The following ANKHD1 variants were observed in gnomAD, a reference collection of about 807,000 sequenced individuals.
ANKHD1 encodes the protein ankyrin repeat and KH domain containing 1, also known as ankyrin repeat and KH domain-containing protein 1.
A neutral mutation model predicts 230.5 loss-of-function variants in ANKHD1; 31 were observed. That is an observed-to-expected ratio of 0.13 (90% CI 0.10 to 0.18). The LOEUF (loss-of-function observed/expected upper bound fraction) is 0.18, where lower values mean the gene tolerates loss of function less well. Among genes scored for constraint, ANKHD1 ranks in the 10% least tolerant of loss-of-function variants. The pLI is 1.00. For missense variants in ANKHD1, 2,256 were observed against 3,071.3 expected (o/e 0.73, Z 6.27); for synonymous variants, 1,074 against 1,117.6 (o/e 0.96, Z 0.78).
Position 140,485,262 on chromosome 5 carries a change from AAAT to A in ANKHD1, c.1998+17_1998+19del. The A allele has an allele frequency of 6.2e-7, 1 of 1,605,292 alleles. No individual in the cohort carries two copies. Among genetic ancestry groups the A allele is most frequent in the Non-Finnish European group, 8.5e-7 (1 of 1,173,438 alleles). ...CATCGACTCAAGGTAGTCTACTTAA[AAAT>A]AAGTAAACAGGCTGTGTGCGGTGGC... is the stretch of plus-strand genomic sequence containing the variant. On this transcript the variant is annotated intron_variant, in intron 12 of 33. Coordinates refer to ENST00000360839, the MANE Select transcript of ANKHD1 (RefSeq NM_017747.3). This position sits in a 1 kb window ranked among gnomAD's most constrained non-coding sequence, Gnocchi z 4.8.
At chr5:140,433,546 C>T (rs1166100425) in intron 1 of ANKHD1, among the ~76,000 whole-genome samples, 1 of 152,174 alleles carries the variant, frequency 6.6e-6, no homozygotes, top group African/African-American at 2.4e-5. Flanking sequence ...ATTTCTCCCT[C>T]ATTAGTGCAT....
At chr5:140,409,083 A>G (rs895632692) in intron 1 of ANKHD1, among the ~76,000 whole-genome samples, 1 of 152,190 alleles carries the variant, frequency 6.6e-6, no homozygotes, top group Non-Finnish European at 1.5e-5. Context: ...CCTAGGGACA[A>G]AATCACTCCT....
At chr5:140,488,865 A>C (rs1751630139) in intron 14 of ANKHD1, among the ~76,000 whole-genome samples, 1 of 151,946 alleles carries the variant, frequency 6.6e-6, no homozygotes, top group Non-Finnish European at 1.5e-5. Context: ...TTGCCACTGC[A>C]CTCCAGCCAG....
intron 15 of ANKHD1, among the ~76,000 whole-genome samples, chr5:140,504,508 T>C (rs1341842346): frequency 5.9e-5 from 9 of 152,218 alleles, no homozygotes; most frequent in African/African-American, 1.9e-4. Context: ...GCACTAAATA[T>C]CAGGTGCTGT....
In ANKHD1 at chr5:140,485,878, T is replaced by G. The variant is rs1037526660; in HGVS notation, c.2142+146T>G. On this transcript the variant is annotated intron_variant, in intron 13 of 33. Transcript: ENST00000360839. This position sits in a 1 kb window ranked among gnomAD's most constrained non-coding sequence, Gnocchi z 4.8. ...AATCATGACTCTAAATTCTTTAGGA[T>G]TTATTTTCTTTAAAGGTACACTGAA... 3.1e-5 allele frequency: 39 copies of G among 1,245,732 alleles called. No individual in the cohort carries two copies. In the African/African-American group the frequency reaches 5.5e-4, roughly 18 times the overall value. The allele number at this position is 1,245,732 out of a possible 1,614,324, so 77.2% of individuals were successfully genotyped here. A position where few individuals can be genotyped will look rare whatever the true frequency, so the allele number is the denominator to read the frequency against.
At chr5:140,429,844 G>A (rs1009898477) in intron 1 of ANKHD1, among the ~76,000 whole-genome samples, 1 of 152,156 alleles carries the variant, frequency 6.6e-6, no homozygotes, top group African/African-American at 2.4e-5. Context: ...CATAGAAACT[G>A]TTTTAATGTG....
intron 29 of ANKHD1, among the ~76,000 whole-genome samples, chr5:140,532,397 T>TG (rs1753871462): frequency 6.6e-6 from 1 of 151,366 alleles, no homozygotes; most frequent in Non-Finnish European, 1.5e-5. Context: ...GATGAAGGGG[T>TG]GATTGGAGGG....
chr5:140,479,042 A>C (rs1473460434), intron 10 of ANKHD1, among the ~76,000 whole-genome samples: 1 of 151,436 alleles, frequency 6.6e-6, no homozygotes, highest in Non-Finnish European at 1.5e-5. Context: ...TCTGTCACCC[A>C]GGCTGGAGTG....
In ANKHD1 at chr5:140,507,004, T is replaced by C; in HGVS notation, c.3551+27T>C. ...TATTGCCTGTTCATTTTATTGTTCA[T>C]GTTTAGTAAGTTACTACTTTGGACT... On this transcript the variant is annotated intron_variant, in intron 19 of 33. Coordinates refer to ENST00000360839, the MANE Select transcript of ANKHD1 (RefSeq NM_017747.3). The surrounding 1 kb of genome is among the most constrained non-coding windows in gnomAD (Gnocchi z 4.1). 1.2e-6 allele frequency: 2 copies of C among 1,609,204 alleles called. No individual in the cohort carries two copies. Among genetic ancestry groups the C allele is most frequent in the Non-Finnish European group, 1.7e-6 (2 of 1,178,226 alleles).
At chr5:140,466,614 T>C (rs2126984637) in intron 10 of ANKHD1, among the ~76,000 whole-genome samples, 1 of 152,260 alleles carries the variant, frequency 6.6e-6, no homozygotes, top group African/African-American at 2.4e-5. Context: ...CTATTTGAAC[T>C]TACCGTATTT....
At chr5:140,516,982 G>A (rs1247722477) in intron 24 of ANKHD1, among the ~76,000 whole-genome samples, 2 of 151,852 alleles carry the variant, frequency 1.3e-5, no homozygotes, top group African/African-American at 4.8e-5. Flanking sequence ...CCAATTAAAA[G>A]ACACAGACTG....
intron 11 of ANKHD1, chr5:140,484,792 G>T (rs923969221): frequency 6.2e-6 from 1 of 160,230 alleles, no homozygotes; most frequent in African/African-American, 2.4e-5. Context: ...ACGCAAAAGA[G>T]TACATTGTAT....
At chr5:140,466,978 T>C (rs1776139861) in intron 10 of ANKHD1, among the ~76,000 whole-genome samples, 1 of 152,188 alleles carries the variant, frequency 6.6e-6, no homozygotes, top group Non-Finnish European at 1.5e-5. Context: ...ATCTTAATTA[T>C]TCAATACAGA....
At chr5:140,433,515 G>A (rs1773217787) in intron 1 of ANKHD1, among the ~76,000 whole-genome samples, 1 of 152,116 alleles carries the variant, frequency 6.6e-6, no homozygotes, top group Admixed American at 6.6e-5. Context: ...AAGTCTTCAC[G>A]GGTTACTAGG....
intron 24 of ANKHD1, among the ~76,000 whole-genome samples, chr5:140,523,108 CTTTTTTTTTTTTT>C (rs374008554): frequency 2.1e-5 from 2 of 93,510 alleles, no homozygotes; most frequent in African/African-American, 8.1e-5. Context: ...TTTCTTTTTC[CTTTTTTTTTTTTT>C]TTTTTTTTAA....
At chr5:140,476,953 GT>G (rs898641042) in intron 10 of ANKHD1, among the ~76,000 whole-genome samples, 3 of 151,400 alleles carry the variant, frequency 2.0e-5, no homozygotes, top group Non-Finnish European at 4.4e-5. Flanking sequence ...ACTGAATAAA[GT>G]TTTTTTTTAA....
At chr5:140,434,219 A>G (rs1010078152) in intron 1 of ANKHD1, among the ~76,000 whole-genome samples, 1 of 152,016 alleles carries the variant, frequency 6.6e-6, no homozygotes, top group Non-Finnish European at 1.5e-5. Context: ...TTTTTTTTAT[A>G]AATGTGTGAT....
At chr5:140,418,105 G>A (rs1005694046) in intron 1 of ANKHD1, among the ~76,000 whole-genome samples, 1 of 150,290 alleles carries the variant, frequency 6.7e-6, no homozygotes, top group African/African-American at 2.5e-5. Context: ...GCCTCCCAAA[G>A]TGCTGGGATT....
At chr5:140,433,587 C>T (rs562118821) in intron 1 of ANKHD1, among the ~76,000 whole-genome samples, 38 of 152,116 alleles carry the variant, frequency 2.5e-4, no homozygotes, top group African/African-American at 8.9e-4. Flanking sequence ...TCTTTGAGGC[C>T]TTTTGTAATA....
Sources: gnomAD v4.1 joint callset for allele counts (sites outside exome capture counted in the v4.1 genomes callset) on GRCh38, gnomAD v4.1.1 for gene constraint, Gnocchi (gnomAD v3.1) non-coding constraint, MANE v1.5 for transcripts, NCBI Gene and HGNC (gene_info 2026-07-23, HGNC 2026-07-21) for gene names.